Variants in EHMT1 observed in about 807,000 individuals in gnomAD.
EHMT1 encodes the protein histone-lysine N-methyltransferase EHMT1.
A neutral mutation model predicts 147.2 loss-of-function variants in EHMT1; 15 were observed. The observed-to-expected ratio is 0.10, with a 90% CI of 0.07 to 0.16. The LOEUF (loss-of-function observed/expected upper bound fraction) is 0.16. Ranked by LOEUF, EHMT1 falls within the 10% of genes least tolerant of loss-of-function variation. The pLI, the probability that EHMT1 is intolerant of heterozygous loss-of-function variation, is 1.00. For missense variants in EHMT1, 1,587 were observed against 1,772.4 expected (o/e 0.90, Z 1.88); for synonymous variants, 795 against 709.6 (o/e 1.12, Z -1.91).
chr9:137,802,706 G>A, intron 18 of EHMT1: 1 of 771,518 alleles, frequency 1.3e-6, no homozygotes, highest in Non-Finnish European at 1.8e-6. Flanking sequence ...ACTGGCTGTG[G>A]GCACCCGCTG....
chr9:137,648,125 A>G (rs1026677040), intron 1 of EHMT1, among the ~76,000 whole-genome samples: 20 of 152,086 alleles, frequency 1.3e-4, no homozygotes, highest in Non-Finnish European at 1.6e-4. Flanking sequence ...GTTAAAATCT[A>G]TTTTCACCAT....
At chr9:137,768,529 ATTTTTTTTTTTTTTTTTTTTT>A (rs947901899) in intron 10 of EHMT1, among the ~76,000 whole-genome samples, 61 of 18,282 alleles carry the variant, frequency 3.3e-3, no homozygotes, top group South Asian at 0.012. Context: ...AATTTTTTGT[ATTTTTTTTTTTTTTTTTTTTT>A]TTTTTTTTTT....
At position 137,675,802 on chromosome 9, in the gene EHMT1, T is replaced by TTTTTTTTTTTTTTTTG. The variant is rs35541714; in HGVS notation, c.22-35165_22-35164insTTTTTTTTTTTTTTTG. ...TAATTTTTTTTTTTTTTTTTTTTTT[T>TTTTTTTTTTTTTTTTG]AGACGGAGTCTCGCTCTGTCGCCCA... is the stretch of plus-strand genomic sequence containing the variant. On this transcript the variant is annotated intron_variant, in intron 1 of 26. Coordinates refer to ENST00000460843, the MANE Select transcript of EHMT1 (RefSeq NM_024757.5). Among the ~76,000 whole-genome samples the TTTTTTTTTTTTTTTTG allele has an allele frequency of 4.7e-4, 49 of 104,724 alleles. 3 individuals carry two copies. The highest frequency in any genetic ancestry group is 1.9e-3 in the African/African-American group (46 of 23,802). The allele number at this position is 104,724 out of a possible 152,430, so 68.7% of individuals were successfully genotyped here. A position where few individuals can be genotyped will look rare whatever the true frequency, so the allele number is the denominator to read the frequency against.
At chr9:137,684,666 A>T (rs925322989) in intron 1 of EHMT1, among the ~76,000 whole-genome samples, 1 of 151,166 alleles carries the variant, frequency 6.6e-6, no homozygotes, top group African/African-American at 2.4e-5. Context: ...TAATTTTTTC[A>T]ATTTTTGGTA....
At chr9:137,721,160 A>G (rs1945933892) in intron 3 of EHMT1, among the ~76,000 whole-genome samples, 1 of 134,164 alleles carries the variant, frequency 7.5e-6, no homozygotes, top group East Asian at 2.3e-4. Context: ...CACCCCTCCC[A>G]GACTTCTCAC....
intron 1 of EHMT1, among the ~76,000 whole-genome samples, chr9:137,704,599 T>C (rs1944096545): frequency 1.3e-5 from 2 of 152,318 alleles, no homozygotes; most frequent in South Asian, 4.1e-4. Context: ...CCATTCCCCT[T>C]TAGTTTGCAA....
intron 1 of EHMT1, among the ~76,000 whole-genome samples, chr9:137,627,331 T>C (rs11137155): frequency 0.15 from 23,161 of 150,226 alleles, 2,057 homozygotes; most frequent in Admixed American, 0.3. Flanking sequence ...GGCGTGATCT[T>C]GGCTCACTGC....
At chr9:137,660,258 G>A (rs1342582441) in intron 1 of EHMT1, among the ~76,000 whole-genome samples, 5 of 151,902 alleles carry the variant, frequency 3.3e-5, no homozygotes, top group Non-Finnish European at 1.5e-5. Flanking sequence ...CTTGAGCCTG[G>A]GAGGCAAGCA....
intron 16 of EHMT1, among the ~76,000 whole-genome samples, chr9:137,796,178 G>A (rs1952929520): frequency 6.6e-6 from 1 of 152,352 alleles, no homozygotes; most frequent in Admixed American, 6.5e-5. Context: ...TGAATCCGAG[G>A]AGAGGCAAAT....
intron 18 of EHMT1, among the ~76,000 whole-genome samples, chr9:137,805,985 G>T (rs988291994): frequency 6.8e-6 from 1 of 146,982 alleles, no homozygotes; most frequent in East Asian, 2.0e-4. Flanking sequence ...TTTTTTTGGA[G>T]ACAGTCTCAC....
intron 1 of EHMT1, among the ~76,000 whole-genome samples, chr9:137,665,699 T>C (rs911087004): frequency 3.3e-5 from 5 of 152,206 alleles, no homozygotes; most frequent in African/African-American, 1.2e-4. Context: ...TGAGCTGTGT[T>C]GATGGTTTCT....
intron 3 of EHMT1, among the ~76,000 whole-genome samples, chr9:137,726,900 T>C (rs1441478134): frequency 3.3e-5 from 5 of 152,244 alleles, no homozygotes; most frequent in Non-Finnish European, 5.9e-5. Flanking sequence ...GGTTTTGATA[T>C]GCATTTCCCT....
intron 8 of EHMT1, among the ~76,000 whole-genome samples, chr9:137,754,637 C>T (rs1291099857): frequency 6.6e-6 from 1 of 152,102 alleles, no homozygotes; most frequent in Non-Finnish European, 1.5e-5. Flanking sequence ...CTCATCTCCC[C>T]AAGAAGCTGG....
chr9:137,715,494 T>A (rs1012506545), intron 2 of EHMT1: 8 of 968,108 alleles, frequency 8.3e-6, no homozygotes, highest in Non-Finnish European at 3.7e-6. Context: ...TGATCAGGTC[T>A]GTTGTGCTCG....
chr9:137,685,687 C>T (rs2134679427), intron 1 of EHMT1, among the ~76,000 whole-genome samples: 1 of 152,274 alleles, frequency 6.6e-6, no homozygotes, highest in African/African-American at 2.4e-5. Flanking sequence ...TTTCCATTAG[C>T]AATACATGAG....
At chr9:137,751,232 T>G (rs1948941978) in intron 6 of EHMT1, among the ~76,000 whole-genome samples, 1 of 152,184 alleles carries the variant, frequency 6.6e-6, no homozygotes, top group African/African-American at 2.4e-5. Context: ...GACACAAACC[T>G]GGAAGCCATG....
chr9:137,811,545 C>T lies in EHMT1; in HGVS notation c.2797C>T (p.His933Tyr), dbSNP rs148946382. Residue 933 changes from histidine (H) to tyrosine (Y), a missense_variant, in exon 19 of 27, where the codon CAC becomes TAC. This residue lies in a region of EHMT1 where 201 missense variants were observed against 350.1 expected (regional missense o/e 0.57). Transcript: ENST00000460843. ...EILLAAKCDL[H>Y]AVNIHGDSPL... is the part of the protein sequence containing the mutation. ...CCTGCTGGCTGCCAAGTGCGACCTC[C>T]ACGCCGTGAACATCCACGGAGACTC... The T allele has an allele frequency of 5.9e-5, 95 of 1,609,634 alleles. No homozygotes were observed. The highest frequency in any genetic ancestry group is 7.1e-5 in the Non-Finnish European group (84 of 1,180,006).
intron 25 of EHMT1, among the ~76,000 whole-genome samples, chr9:137,827,023 G>A (rs1449962978): frequency 2.0e-5 from 3 of 152,128 alleles, no homozygotes; most frequent in Non-Finnish European, 2.9e-5. Context: ...GGGGGTCCCC[G>A]CCTCCTCCCC....
At chr9:137,784,015 A>C (rs1206580311) in intron 15 of EHMT1, 1 of 618,628 alleles carries the variant, frequency 1.6e-6, no homozygotes, top group African/African-American at 1.8e-5. Flanking sequence ...TTGTAGTTTT[A>C]ATTTCTAGCT....
Sources: gnomAD v4.1 joint callset for allele counts (sites outside exome capture counted in the v4.1 genomes callset) on GRCh38, gnomAD v4.1.1 for gene constraint, gnomAD v4.1.1 regional missense constraint, MANE v1.5 for transcripts, NCBI Gene and HGNC (gene_info 2026-07-23, HGNC 2026-07-21) for gene names.